Variants in DAPK2 observed in about 807,000 individuals in gnomAD.
DAPK2 encodes the protein death associated protein kinase 2.
A neutral mutation model predicts 44.1 loss-of-function variants in DAPK2; 35 were observed. That is an observed-to-expected ratio of 0.79 (90% CI 0.61 to 1.05). The LOEUF is 1.05. Ranked by LOEUF, DAPK2 falls within the 50% of genes least tolerant of loss-of-function variation. The probability of loss-of-function intolerance (pLI) is 0.00; values close to 1 mark genes in which losing one functional copy is unlikely to be tolerated. For synonymous variants in DAPK2, 174 were observed against 182.6 expected (o/e 0.95, Z 0.38); for missense variants, 453 against 483.2 (o/e 0.94, Z 0.59).
At position 63,931,228 on chromosome 15, in the gene DAPK2, G is replaced by A. The variant is rs567954092; in HGVS notation, c.584-773C>T. Among the ~76,000 whole-genome samples, 4 of 152,262 alleles carry A rather than the reference G, an allele frequency of 2.6e-5. No homozygotes were observed. The South Asian group carries it at 8.3e-4, about 32-fold the overall frequency. On this transcript the variant is annotated intron_variant, in intron 4 of 10. Transcript: ENST00000261891. Reference sequence around the variant, plus strand: ...CTTGGACTTCCTATCCTTCAAAACTGTAAGCAATAAATTTCTGTTGTTTAT... The same window carrying A: ...CTTGGACTTCCTATCCTTCAAAACTATAAGCAATAAATTTCTGTTGTTTAT...
chr15:63,912,072 C>T lies in DAPK2; in HGVS notation c.948+36G>A, dbSNP rs1345746504. ...AGAGCCAGAAACCCCGCCCTAGCCC[C>T]CACCCTGTCCCCCGCCGCCCCAACC... On this transcript the variant is annotated intron_variant, in intron 9 of 10. Coordinates refer to ENST00000261891, the Ensembl canonical transcript of DAPK2. The surrounding 1 kb of genome is among the most constrained non-coding windows in gnomAD (Gnocchi z 4.4). 1 of 1,589,736 alleles carries T rather than the reference C, an allele frequency of 6.3e-7. No homozygotes were observed. The highest frequency in any genetic ancestry group is 1.1e-5 in the South Asian group (1 of 88,376).
intron 6 of DAPK2, 77 bp downstream of exon 7, chr15:63,929,474 C>T: frequency 6.3e-7 from 1 of 1,580,768 alleles, no homozygotes; most frequent in South Asian, 1.1e-5. Context: ...GTCAGTCTAT[C>T]AGCCTGCCCC....
At chr15:64,003,743 T>A (rs181043247) in intron 1 of DAPK2, among the ~76,000 whole-genome samples, 1 of 152,310 alleles carries the variant, frequency 6.6e-6, no homozygotes, top group East Asian at 1.9e-4. Flanking sequence ...GTAGCTGGGA[T>A]TACTGGTGTG....
chr15:64,036,080 G>A (rs547874678), intron 1 of DAPK2, among the ~76,000 whole-genome samples: 5 of 151,730 alleles, frequency 3.3e-5, no homozygotes, highest in African/African-American at 1.2e-4. Context: ...GGCCAGCATG[G>A]TGAAACCCCA....
intron 1 of DAPK2, among the ~76,000 whole-genome samples, chr15:64,002,966 C>A (rs1330024010): frequency 3.9e-5 from 1 of 25,860 alleles, no homozygotes; most frequent in African/African-American, 1.2e-4. Context: ...GTGTGTGTGT[C>A]GTGGGACCTG....
chr15:64,016,844 GA>G (rs2079542599), intron 1 of DAPK2, among the ~76,000 whole-genome samples: 3 of 8,444 alleles, frequency 3.6e-4, no homozygotes, highest in East Asian at 6.0e-3. Flanking sequence ...AGGAGGGAAG[GA>G]AGGAAGGAAG....
chr15:64,020,957 T>C lies in DAPK2; in HGVS notation c.92+19213A>G, dbSNP rs2079663467. On this transcript the variant is annotated intron_variant, in intron 1 of 10. Transcript: ENST00000261891. This position sits in a 1 kb window ranked among gnomAD's most constrained non-coding sequence, Gnocchi z 4.5. ...TTGCCCAGGTGCATTAACGTATTGGTAGCCAAAGTGGGATATGAAGCAAGT... is the reference window on the plus strand; with the variant it reads ...TTGCCCAGGTGCATTAACGTATTGGCAGCCAAAGTGGGATATGAAGCAAGT... 6.6e-6 allele frequency among the ~76,000 whole-genome samples: 1 copy of C among 152,220 alleles called. No homozygotes were observed. Among genetic ancestry groups the C allele is most frequent in the African/African-American group, 2.4e-5 (1 of 41,444 alleles).
intron 8 of DAPK2, chr15:63,922,990 T>G (rs773494226): frequency 6.5e-6 from 10 of 1,535,912 alleles, no homozygotes; most frequent in Non-Finnish European, 8.7e-6. Flanking sequence ...CCTGGATGTC[T>G]TCTCGCAGCA....
chr15:63,943,287 G>C (rs767465974), intron 3 of DAPK2, among the ~76,000 whole-genome samples: 34 of 151,986 alleles, frequency 2.2e-4, no homozygotes, highest in Middle Eastern at 3.2e-3. Context: ...AATTAGCCCA[G>C]CATGGTGGCA....
At chr15:63,968,983 G>A (rs1271330951) in intron 3 of DAPK2, among the ~76,000 whole-genome samples, 1 of 152,202 alleles carries the variant, frequency 6.6e-6, no homozygotes, top group African/African-American at 2.4e-5. Flanking sequence ...AGTCACACAG[G>A]TGCAATCAAG....
chr15:63,992,862 T>A (rs1172555920), intron 1 of DAPK2, among the ~76,000 whole-genome samples: 1 of 152,084 alleles, frequency 6.6e-6, no homozygotes, highest in Non-Finnish European at 1.5e-5. Flanking sequence ...GTTTGCTCCC[T>A]CCTAGAAATG....
intron 1 of DAPK2, among the ~76,000 whole-genome samples, chr15:63,996,327 C>G (rs2078948427): frequency 1.3e-5 from 2 of 152,182 alleles, no homozygotes; most frequent in African/African-American, 4.8e-5. Context: ...CCTGTAGTCC[C>G]AGCTACTCAG....
chr15:63,991,043 T>C (rs1469416715), intron 1 of DAPK2, among the ~76,000 whole-genome samples: 1 of 151,930 alleles, frequency 6.6e-6, no homozygotes, highest in East Asian at 1.9e-4. Flanking sequence ...GCCAGGCCAC[T>C]CCAAATCCCA....
At chr15:64,015,282 C>T (rs1420106244) in intron 1 of DAPK2, among the ~76,000 whole-genome samples, 1 of 151,578 alleles carries the variant, frequency 6.6e-6, no homozygotes, top group South Asian at 2.1e-4. Context: ...AATTACCACT[C>T]TGACGTTCAA....
intron 1 of DAPK2, among the ~76,000 whole-genome samples, chr15:64,033,064 T>C (rs1456381133): frequency 2.0e-5 from 3 of 151,862 alleles, no homozygotes; most frequent in African/African-American, 7.3e-5. Flanking sequence ...CCAGCCTGGG[T>C]GACAGAGCGA....
At chr15:64,023,237 T>C (rs2079743552) in intron 1 of DAPK2, among the ~76,000 whole-genome samples, 1 of 152,030 alleles carries the variant, frequency 6.6e-6, no homozygotes, top group Admixed American at 6.5e-5. Context: ...CTGCCTGCAG[T>C]AGTCAGGGCA....
intron 3 of DAPK2, among the ~76,000 whole-genome samples, chr15:63,970,417 A>T (rs2078180447): frequency 6.6e-6 from 1 of 152,054 alleles, no homozygotes; most frequent in Non-Finnish European, 1.5e-5. Context: ...ACTCAACTAC[A>T]TAGCACTTTT....
rs1309527912 is a variant in DAPK2 at position 63,980,842 on chromosome 15, CG to C, written c.314+2690del. 6.6e-6 allele frequency among the ~76,000 whole-genome samples: 1 copy of C among 152,138 alleles called. No homozygotes were observed. Among genetic ancestry groups the C allele is most frequent in the East Asian group, 1.9e-4 (1 of 5,196 alleles). On this transcript the variant is annotated intron_variant, in intron 2 of 10. Coordinates refer to ENST00000261891, the Ensembl canonical transcript of DAPK2. This position sits in a 1 kb window ranked among gnomAD's most constrained non-coding sequence, Gnocchi z 4.3. Reference sequence around the variant, plus strand: ...CGGTGGCTCACGCCTGTAATCCCAACGCTTTGGGAGGCCAAGGCAGGCGGAT... The same window carrying C: ...CGGTGGCTCACGCCTGTAATCCCAACCTTTGGGAGGCCAAGGCAGGCGGAT...
exon 1 of DAPK2, chr15:64,040,208 C>T (rs149132625): frequency 6.2e-7 from 1 of 1,614,066 alleles, no homozygotes; most frequent in Non-Finnish European, 8.5e-7. Context: ...AGTCCTCCAC[C>T]TTCTGCTGCT....
Sources: allele counts gnomAD v4.1 joint callset (sites outside exome capture counted in the v4.1 genomes callset), GRCh38; gene constraint gnomAD v4.1.1; non-coding constraint Gnocchi (gnomAD v3.1); transcripts MANE v1.5; gene names NCBI Gene and HGNC (gene_info 2026-07-23, HGNC 2026-07-21).